RNF17: variants seen among roughly 807,000 people sequenced by gnomAD.
The protein encoded by RNF17 is spermatogenesis associated 23.
In RNF17, 31 loss-of-function variants were observed where a neutral mutation model predicts 200.5. The observed-to-expected ratio is 0.15, with a 90% CI of 0.12 to 0.21. The LOEUF is 0.21. Among genes scored for constraint, RNF17 ranks in the 10% least tolerant of loss-of-function variants. The pLI, the probability that RNF17 is intolerant of heterozygous loss-of-function variation, is 1.00. For synonymous variants in RNF17, 606 were observed against 637.8 expected, an observed-to-expected ratio of 0.95 and a Z score of 0.75; for missense variants, 1,628 against 1,905.1, an observed-to-expected ratio of 0.85 and a Z score of 2.71.
intron 1 of RNF17, among the ~76,000 whole-genome samples, chr13:24,764,898 TGTGTGTGTGTGTGTGTGTGTGTGTG>T (rs1879408829): frequency 1.9e-5 from 1 of 52,398 alleles, no homozygotes; most frequent in Non-Finnish European, 4.9e-5. Context: ...GGTGTGTGTG[TGTGTGTGTGTGTGTGTGTGTGTGTG>T]TTGGTCTTTA....
At chr13:24,784,019 G>A (rs1276993182) in intron 6 of RNF17, among the ~76,000 whole-genome samples, 2 of 151,956 alleles carry the variant, frequency 1.3e-5, no homozygotes, top group Non-Finnish European at 2.9e-5. Flanking sequence ...TTCCATATAG[G>A]GTCTTTATTA....
intron 25 of RNF17, 140 bp downstream of exon 25, chr13:24,854,284 G>A (rs1045205995): frequency 7.4e-5 from 45 of 604,514 alleles, no homozygotes; most frequent in Non-Finnish European, 1.2e-4. Context: ...CATGCAAAGT[G>A]CTTTTAATAA....
In RNF17 at chr13:24,793,178, C is replaced by T; in HGVS notation, c.1072C>T (p.Pro358Ser). 6.2e-7 allele frequency: 1 copy of T among 1,613,862 alleles called. No homozygotes were observed. Among genetic ancestry groups the T allele is most frequent in the Non-Finnish European group, 8.5e-7 (1 of 1,179,816 alleles). Reference sequence around the variant, plus strand: ...CATGTCTGTCCTAACCAGTGAAGCACCACCACCTCCTTTGCAACCTGAGAC... The same window carrying T: ...CATGTCTGTCCTAACCAGTGAAGCATCACCACCTCCTTTGCAACCTGAGAC... ...VDMSVLTSEA[P>S]PPPLQPETND... The change falls in exon 10 of 36, where the codon CCA (proline) becomes TCA (serine). Residue 358 changes from proline to serine, a missense_variant. Coordinates refer to ENST00000255324, the MANE Select transcript of RNF17 (RefSeq NM_031277.3).
chr13:24,882,155 G>T (rs1468983495), downstream of RNF17: 2 of 4,162 alleles, frequency 4.8e-4, 1 homozygote, highest in African/African-American at 1.0e-3. Flanking sequence ...TATATAGATA[G>T]ATACATCTAT....
intron 15 of RNF17, among the ~76,000 whole-genome samples, chr13:24,808,679 A>G (rs1593304599): frequency 1.4e-5 from 1 of 72,130 alleles, no homozygotes; most frequent in South Asian, 5.7e-4. Context: ...TTCCAACACT[A>G]TGTTGAATAG....
intron 34 of RNF17, among the ~76,000 whole-genome samples, chr13:24,878,630 C>CT (rs1010973731): frequency 1.3e-5 from 2 of 152,170 alleles, no homozygotes; most frequent in African/African-American, 4.8e-5. Flanking sequence ...AGGCTGATGT[C>CT]TGAGGGCAAG....
intron 3 of RNF17, among the ~76,000 whole-genome samples, chr13:24,776,454 T>C (rs1705311079): frequency 6.6e-6 from 1 of 152,220 alleles, no homozygotes; most frequent in South Asian, 2.1e-4. Context: ...AGCTAAAGTC[T>C]GACAGCTGGT....
intron 33 of RNF17, 56 bp downstream of exon 33, chr13:24,874,305 C>T: frequency 3.5e-6 from 5 of 1,412,028 alleles, no homozygotes; most frequent in South Asian, 1.4e-5. Context: ...AAATAGTTTT[C>T]TTATTGAGAA....
intron 2 of RNF17, among the ~76,000 whole-genome samples, chr13:24,769,688 C>G (rs1880374225): frequency 6.6e-6 from 1 of 152,156 alleles, no homozygotes; most frequent in Non-Finnish European, 1.5e-5. Flanking sequence ...AACAAGGTAT[C>G]TACTCTAAAA....
chr13:24,765,822 C>T lies in RNF17; in HGVS notation c.131-1450C>T, dbSNP rs567974878. Among the ~76,000 whole-genome samples the T allele has an allele frequency of 5.3e-5, 8 of 152,238 alleles. No individual in the cohort carries two copies. In the South Asian group the frequency reaches 1.7e-3, roughly 32 times the overall value. Reference sequence around the variant, plus strand: ...TTATAATAGTTAAGTGTTTTTATTTCTTTGGCAATATTATCCCTGGAAGTT... The same window carrying T: ...TTATAATAGTTAAGTGTTTTTATTTTTTTGGCAATATTATCCCTGGAAGTT... On this transcript the variant is annotated intron_variant, in intron 1 of 35. Transcript: ENST00000255324.
At chr13:24,807,151 T>C (rs1471641580) in intron 15 of RNF17, among the ~76,000 whole-genome samples, 1 of 151,986 alleles carries the variant, frequency 6.6e-6, no homozygotes, top group Non-Finnish European at 1.5e-5. Flanking sequence ...TATAGTCCTT[T>C]GGGTATATAT....
At chr13:24,849,636 A>G (rs1891639088) in intron 22 of RNF17, among the ~76,000 whole-genome samples, 1 of 152,204 alleles carries the variant, frequency 6.6e-6, no homozygotes, top group Non-Finnish European at 1.5e-5. Flanking sequence ...TCTGTCAGAT[A>G]TTTATTGAGC....
At chr13:24,885,536 A>C in the RNF17 span, 1 of 1,287,964 alleles carries the variant, frequency 7.8e-7, no homozygotes, top group Non-Finnish European at 1.1e-6. Flanking sequence ...AGAAACGTTA[A>C]GTCTATTAAC....
At chr13:24,872,239 C>T (rs924599769) in intron 32 of RNF17, among the ~76,000 whole-genome samples, 1 of 152,126 alleles carries the variant, frequency 6.6e-6, no homozygotes, top group Admixed American at 6.5e-5. Context: ...GGATTACAGA[C>T]GTGAGCCTCC....
At chr13:24,882,376 G>A (rs1361825689), downstream of RNF17, 4 of 151,918 alleles carry the variant, frequency 2.6e-5, no homozygotes, top group South Asian at 6.2e-4. Context: ...GACAGGTAAG[G>A]TCTATCTAGA....
intron 25 of RNF17, among the ~76,000 whole-genome samples, 170 bp downstream of exon 25, chr13:24,854,314 T>C (rs1892243732): frequency 6.6e-6 from 1 of 152,154 alleles, no homozygotes; most frequent in African/African-American, 2.4e-5. Flanking sequence ...TAAAAATCAT[T>C]TAATGCAGTT....
chr13:24,862,224 A>G (rs1374187004), intron 27 of RNF17, among the ~76,000 whole-genome samples: 1 of 152,202 alleles, frequency 6.6e-6, no homozygotes, highest in Non-Finnish European at 1.5e-5. Context: ...GATGTCCACC[A>G]TAAGTGTAGT....
chr13:24,852,355 G>A (rs1350725119), intron 24 of RNF17, among the ~76,000 whole-genome samples: 1 of 152,110 alleles, frequency 6.6e-6, no homozygotes, highest in Non-Finnish European at 1.5e-5. Context: ...AGCCAGGATG[G>A]CCTCGATCTC....
chr13:24,870,007 T>C (rs1894082107), intron 31 of RNF17, among the ~76,000 whole-genome samples: 2 of 139,226 alleles, frequency 1.4e-5, no homozygotes. Flanking sequence ...AGTGGTGCAA[T>C]CTCAGCTCAC....
Sources: allele counts gnomAD v4.1 joint callset (sites outside exome capture counted in the v4.1 genomes callset), GRCh38; gene constraint gnomAD v4.1.1; transcripts MANE v1.5; gene names NCBI Gene and HGNC (gene_info 2026-07-23, HGNC 2026-07-21).